The following FHOD3 variants were observed in gnomAD, a reference collection of about 807,000 sequenced individuals.
The protein encoded by FHOD3 is formin homology 2 domain containing 3.
A neutral mutation model predicts 173.0 loss-of-function variants in FHOD3; 90 were observed. The ratio of observed to expected loss-of-function variants is 0.52; its 90% CI spans 0.44 to 0.62. The LOEUF is 0.62. FHOD3 is among the 20% of genes least tolerant of loss of function. The pLI is 0.00. For synonymous variants in FHOD3, 828 were observed against 823.0 expected, an observed-to-expected ratio of 1.01 and a Z score of -0.10; for missense variants, 1,945 against 2,034.7, an observed-to-expected ratio of 0.96 and a Z score of 0.85.
At chr18:36,509,774 C>G (rs2055530972) in intron 4 of FHOD3, among the ~76,000 whole-genome samples, 1 of 152,196 alleles carries the variant, frequency 6.6e-6, no homozygotes, top group Admixed American at 6.5e-5. Context: ...CATGCTTGGA[C>G]TCTTGTAGAT....
At chr18:36,607,298 C>T (rs1350666045) in intron 8 of FHOD3, among the ~76,000 whole-genome samples, 3 of 152,186 alleles carry the variant, frequency 2.0e-5, no homozygotes, top group African/African-American at 2.4e-5. Flanking sequence ...CCTTCCAGAG[C>T]AGCAAGGCCT....
intron 4 of FHOD3, among the ~76,000 whole-genome samples, chr18:36,506,489 A>C (rs1683242124): frequency 6.6e-6 from 1 of 152,182 alleles, no homozygotes; most frequent in Non-Finnish European, 1.5e-5. Flanking sequence ...GAAGAAAATG[A>C]TGTCTGACCT....
intron 2 of FHOD3, among the ~76,000 whole-genome samples, chr18:36,356,810 A>AT (rs1341814129): frequency 6.6e-6 from 1 of 150,810 alleles, no homozygotes; most frequent in East Asian, 2.0e-4. Flanking sequence ...TAATTTTTGT[A>AT]TTTTTTAGTA....
intron 3 of FHOD3, among the ~76,000 whole-genome samples, chr18:36,453,188 A>G (rs1479911449): frequency 2.6e-5 from 4 of 152,092 alleles, no homozygotes; most frequent in African/African-American, 4.8e-5. Flanking sequence ...CTCATTTTCT[A>G]TTAGCTTTTT....
At chr18:36,645,110 G>C (rs1021481600) in intron 10 of FHOD3, among the ~76,000 whole-genome samples, 2 of 152,090 alleles carry the variant, frequency 1.3e-5, no homozygotes, top group Non-Finnish European at 2.9e-5. Flanking sequence ...AGGCTGGTAG[G>C]GGGTGGTGTG....
intron 2 of FHOD3, among the ~76,000 whole-genome samples, chr18:36,367,926 T>C (rs1400328806): frequency 6.6e-6 from 1 of 152,020 alleles, no homozygotes; most frequent in African/African-American, 2.4e-5. Context: ...CCCACCGCTT[T>C]CTCCCCAGCC....
intron 3 of FHOD3, among the ~76,000 whole-genome samples, chr18:36,429,281 T>C (rs1044478919): frequency 5.3e-5 from 8 of 152,264 alleles, no homozygotes; most frequent in Admixed American, 2.0e-4. Context: ...AGTGATACCT[T>C]GTATAATATG....
intron 1 of FHOD3, among the ~76,000 whole-genome samples, chr18:36,341,873 A>G (rs2045641615): frequency 6.6e-6 from 1 of 152,226 alleles, no homozygotes; most frequent in African/African-American, 2.4e-5. Context: ...ATAAAGATTT[A>G]TTCGATATAT....
intron 10 of FHOD3, among the ~76,000 whole-genome samples, chr18:36,631,792 A>T (rs2034533097): frequency 6.6e-6 from 1 of 152,198 alleles, no homozygotes; most frequent in Non-Finnish European, 1.5e-5. Flanking sequence ...TATTTCTGTT[A>T]TTCTGTGGAA....
chr18:36,354,329 A>G (rs1049354738), intron 1 of FHOD3, among the ~76,000 whole-genome samples: 1 of 152,190 alleles, frequency 6.6e-6, no homozygotes, highest in African/African-American at 2.4e-5. Flanking sequence ...GGCAAGTAAC[A>G]TAGCCTCTCT....
chr18:36,718,502 G>A lies in FHOD3; in HGVS notation c.3204G>A (p.Gly1068=), dbSNP rs1383819212. 4 of 1,613,928 alleles carry A rather than the reference G, an allele frequency of 2.5e-6. No homozygotes were observed. Among genetic ancestry groups the A allele is most frequent in the African/African-American group, 2.7e-5 (2 of 74,846 alleles). The change falls in exon 19 of 29, where the codon GGG becomes GGA. Residue 1068 remains glycine (G), a synonymous_variant. Coordinates refer to ENST00000590592, the MANE Select transcript of FHOD3 (RefSeq NM_001281740.3). ...PPVFNAPQGL[G]WSQVPRGQPT... is the part of the protein sequence containing the mutation. Reference sequence around the variant, plus strand: ...TGTTCAACGCTCCTCAGGGCTTAGGGTGGTCCCAGGTACCCAGGGGTCAGC... The same window carrying A: ...TGTTCAACGCTCCTCAGGGCTTAGGATGGTCCCAGGTACCCAGGGGTCAGC...
At chr18:36,484,989 C>T (rs994985461) in intron 3 of FHOD3, among the ~76,000 whole-genome samples, 17 of 152,150 alleles carry the variant, frequency 1.1e-4, no homozygotes, top group South Asian at 6.2e-4. Context: ...AGGGTGTGGT[C>T]GAGCCAACTT....
chr18:36,759,664 T>A (rs1157417328), intron 26 of FHOD3, among the ~76,000 whole-genome samples: 1 of 152,146 alleles, frequency 6.6e-6, no homozygotes, highest in African/African-American at 2.4e-5. Context: ...CAGGGGCTCT[T>A]CCCTAGACCC....
At chr18:36,581,138 A>C (rs887623796) in intron 6 of FHOD3, among the ~76,000 whole-genome samples, 1 of 152,270 alleles carries the variant, frequency 6.6e-6, no homozygotes, top group African/African-American at 2.4e-5. Flanking sequence ...TAAAAGAAAG[A>C]AAAAAGTGTT....
chr18:36,505,950 C>A (rs2055276848), intron 4 of FHOD3, among the ~76,000 whole-genome samples: 1 of 151,428 alleles, frequency 6.6e-6, no homozygotes, highest in Non-Finnish European at 1.5e-5. Flanking sequence ...GCATTTCTTA[C>A]CATTCCATTA....
At chr18:36,321,216 G>A (rs191631915) in intron 1 of FHOD3, among the ~76,000 whole-genome samples, 9 of 152,248 alleles carry the variant, frequency 5.9e-5, no homozygotes, top group African/African-American at 2.2e-4. Flanking sequence ...GTCTGCCCAG[G>A]TGCATGGTGG....
intron 27 of FHOD3, among the ~76,000 whole-genome samples, chr18:36,767,750 T>A (rs969625477): frequency 3.3e-5 from 5 of 152,330 alleles, no homozygotes; most frequent in African/African-American, 1.2e-4. Flanking sequence ...TTTAATTCAG[T>A]CATGAATTTT....
intron 14 of FHOD3, among the ~76,000 whole-genome samples, chr18:36,666,703 A>G (rs562677683): frequency 3.3e-5 from 5 of 152,384 alleles, no homozygotes; most frequent in Admixed American, 2.0e-4. Flanking sequence ...AATAGGAAAC[A>G]TCGAAGGTTT....
intron 2 of FHOD3, among the ~76,000 whole-genome samples, chr18:36,366,257 T>A (rs141890247): frequency 6.6e-6 from 1 of 151,920 alleles, no homozygotes; most frequent in African/African-American, 2.4e-5. Context: ...AAAGGTATGA[T>A]GAGGAGAGAG....
Sources: gnomAD v4.1 joint callset for allele counts (sites outside exome capture counted in the v4.1 genomes callset) on GRCh38, gnomAD v4.1.1 for gene constraint, MANE v1.5 for transcripts, NCBI Gene and HGNC (gene_info 2026-07-23, HGNC 2026-07-21) for gene names.